Variants in NHSL3 observed in about 807,000 individuals in gnomAD.
NHSL3 encodes the protein NHS like 3.
At chr1:32,770,891 C>A in the NHSL3 span, 16 of 1,609,746 alleles carry the variant, frequency 9.9e-6, no homozygotes, top group African/African-American at 1.2e-4. This position sits in a 1 kb window ranked among gnomAD's most constrained non-coding sequence, Gnocchi z 8.3. Context: ...CGGCGCCCCC[C>A]ACGGTCCCCA....
chr1:32,773,010 A>C, the NHSL3 span: 3 of 909,712 alleles, frequency 3.3e-6, no homozygotes, highest in South Asian at 2.7e-5. Flanking sequence ...CTGCAGCCTT[A>C]ACCTCCACGG....
the NHSL3 span, among the ~76,000 whole-genome samples, chr1:32,768,283 G>T: frequency 6.6e-6 from 1 of 152,056 alleles, no homozygotes; most frequent in Non-Finnish European, 1.5e-5. Context: ...ATGCTGGAGG[G>T]GATCTGTGAC....
At chr1:32,754,526 C>T in the NHSL3 span, among the ~76,000 whole-genome samples, 1 of 152,026 alleles carries the variant, frequency 6.6e-6, no homozygotes, top group African/African-American at 2.4e-5. Flanking sequence ...CCTATGCATG[C>T]GGTTTACACA....
the NHSL3 span, chr1:32,773,089 C>T: frequency 5.1e-5 from 31 of 604,446 alleles, no homozygotes; most frequent in East Asian, 6.7e-4. Flanking sequence ...TGCCTTTTCC[C>T]GAATGGGTTC....
At chr1:32,762,596 T>A in the NHSL3 span, among the ~76,000 whole-genome samples, 10,220 of 152,114 alleles carry the variant, frequency 0.067, 442 homozygotes, top group Middle Eastern at 0.13. Flanking sequence ...TTATTTATTT[T>A]TTTTTTTGAG....
the NHSL3 span, chr1:32,771,752 A>AGGAACCGGTG: frequency 1.2e-6 from 2 of 1,613,708 alleles, no homozygotes; most frequent in African/African-American, 2.7e-5. Context: ...CTCCCTCAGA[A>AGGAACCGGTG]GGAACCGGTG....
the NHSL3 span, chr1:32,754,021 G>A: frequency 1.9e-6 from 1 of 531,924 alleles, no homozygotes; most frequent in Non-Finnish European, 3.4e-6. Flanking sequence ...CTCCCTCCCG[G>A]GGCTGCGGGC....
At chr1:32,742,199 T>G in the NHSL3 span, 2 of 1,246,728 alleles carry the variant, frequency 1.6e-6, no homozygotes, top group Non-Finnish European at 2.0e-6. Context: ...GGTAAGGCGG[T>G]CGGCACCTGG....
At chr1:32,749,051 AGT>A in the NHSL3 span, among the ~76,000 whole-genome samples, 1 of 152,166 alleles carries the variant, frequency 6.6e-6, no homozygotes, top group East Asian at 1.9e-4. Flanking sequence ...CCTCACGATG[AGT>A]GTGTGTATAG....
the NHSL3 span, among the ~76,000 whole-genome samples, chr1:32,747,380 G>A: frequency 2.0e-5 from 3 of 151,886 alleles, no homozygotes; most frequent in African/African-American, 7.3e-5. Context: ...TCACCATATT[G>A]GCCAGGCTGG....
the NHSL3 span, chr1:32,770,557 G>T: frequency 6.6e-7 from 1 of 1,525,800 alleles, no homozygotes; most frequent in South Asian, 1.3e-5. This position sits in a 1 kb window ranked among gnomAD's most constrained non-coding sequence, Gnocchi z 8.3. Context: ...GGGAGGCAGT[G>T]GGAGGGGCTC....
chr1:32,754,328 C>T, the NHSL3 span: 1 of 570,048 alleles, frequency 1.8e-6, no homozygotes, highest in Admixed American at 3.0e-5. Flanking sequence ...CACAGGCACA[C>T]GGAGACACAC....
the NHSL3 span, chr1:32,773,090 G>A: frequency 6.8e-5 from 41 of 605,524 alleles, no homozygotes; most frequent in African/African-American, 4.4e-4. Context: ...GCCTTTTCCC[G>A]AATGGGTTCA....
the NHSL3 span, chr1:32,770,818 G>A: frequency 6.2e-7 from 1 of 1,602,254 alleles, no homozygotes. This position sits in a 1 kb window ranked among gnomAD's most constrained non-coding sequence, Gnocchi z 8.3. Flanking sequence ...AGGGGCGGGG[G>A]CAGCACCCTG....
At chr1:32,767,703 C>A in the NHSL3 span, 1 of 1,244,622 alleles carries the variant, frequency 8.0e-7, no homozygotes. Context: ...GTCTGGGGAC[C>A]ATGACTGCCC....
chr1:32,753,725 G>T, the NHSL3 span, among the ~76,000 whole-genome samples: 132 of 152,330 alleles, frequency 8.7e-4, no homozygotes, highest in African/African-American at 3.1e-3. Context: ...CTGCGGATCC[G>T]CGTTCTCCCA....
chr1:32,764,208 C>T, the NHSL3 span, among the ~76,000 whole-genome samples: 3 of 151,992 alleles, frequency 2.0e-5, no homozygotes, highest in African/African-American at 7.3e-5. Flanking sequence ...CTAAACCACT[C>T]TCCCCGCCCC....
At chr1:32,748,320 G>A in the NHSL3 span, among the ~76,000 whole-genome samples, 3 of 152,224 alleles carry the variant, frequency 2.0e-5, no homozygotes, top group Admixed American at 2.0e-4. Flanking sequence ...GGTGGGTAAG[G>A]AGAGTCCATT....
the NHSL3 span, chr1:32,771,689 C>T: frequency 6.2e-7 from 1 of 1,611,678 alleles, no homozygotes; most frequent in Non-Finnish European, 8.5e-7. Flanking sequence ...GACCCTCCTC[C>T]AGCTCCGCCA....
Sources: allele counts gnomAD v4.1 joint callset (sites outside exome capture counted in the v4.1 genomes callset), GRCh38; gene constraint gnomAD v4.1.1; non-coding constraint Gnocchi (gnomAD v3.1); transcripts MANE v1.5; gene names NCBI Gene and HGNC (gene_info 2026-07-23, HGNC 2026-07-21).